Variants in PCDHA2 observed in about 807,000 individuals in gnomAD.
PCDHA2 encodes the protein protocadherin alpha-2.
A neutral mutation model predicts 66.0 loss-of-function variants in PCDHA2; 58 were observed. The observed-to-expected ratio is 0.88, with a 90% CI of 0.71 to 1.09. The LOEUF is 1.09. PCDHA2 is among the 50% of genes least tolerant of loss of function. The probability of loss-of-function intolerance (pLI) is 0.00; values close to 1 mark genes in which losing one functional copy is unlikely to be tolerated. For synonymous variants in PCDHA2, 634 were observed against 554.0 expected (o/e 1.14, Z -2.03); for missense variants, 1,267 against 1,242.3 (o/e 1.02, Z -0.30).
chr5:140,924,668 GC>G (rs2081945881), intron 1 of PCDHA2, among the ~76,000 whole-genome samples: 1 of 152,142 alleles, frequency 6.6e-6, no homozygotes, highest in Admixed American at 6.5e-5. Context: ...GCCGAGGCAG[GC>G]CAATCACTTG....
At chr5:140,845,060 C>A in intron 1 of PCDHA2, among the ~76,000 whole-genome samples, 1 of 149,380 alleles carries the variant, frequency 6.7e-6, no homozygotes, top group Non-Finnish European at 1.5e-5. Flanking sequence ...TGAAGGTAAC[C>A]TCAAAGCAGC....
At chr5:140,877,010 A>T (rs1177640704) in intron 1 of PCDHA2, 2 of 1,612,296 alleles carry the variant, frequency 1.2e-6, no homozygotes, top group African/African-American at 2.7e-5. Context: ...GTGCACGCGG[A>T]GAGCGGCAAG....
chr5:140,967,090 G>A (rs1320117719), intron 1 of PCDHA2: 2 of 1,613,240 alleles, frequency 1.2e-6, no homozygotes, highest in African/African-American at 2.7e-5. Context: ...TTGATCGGGA[G>A]GCGCTGTGTG....
At chr5:140,931,390 G>A (rs1296292494) in intron 1 of PCDHA2, among the ~76,000 whole-genome samples, 1 of 152,038 alleles carries the variant, frequency 6.6e-6, no homozygotes, top group Non-Finnish European at 1.5e-5. Flanking sequence ...GGAAACATAA[G>A]TAAGCGATAG....
At chr5:140,901,942 T>C (rs1307043698) in intron 1 of PCDHA2, among the ~76,000 whole-genome samples, 4 of 152,128 alleles carry the variant, frequency 2.6e-5, no homozygotes, top group Non-Finnish European at 5.9e-5. Flanking sequence ...TAGGTATATT[T>C]AGTTTTATTC....
At chr5:140,809,115 C>A (rs17844284) in intron 1 of PCDHA2, 1 of 1,613,980 alleles carries the variant, frequency 6.2e-7, no homozygotes, top group Admixed American at 1.7e-5. Context: ...ACGGACGCTC[C>A]GCGCCACCGC....
intron 1 of PCDHA2, chr5:140,884,494 C>A: frequency 6.2e-7 from 1 of 1,614,068 alleles, no homozygotes; most frequent in Non-Finnish European, 8.5e-7. Context: ...TAGTGTGCTC[C>A]AGCGCGGCAG....
chr5:140,853,897 G>T lies in PCDHA2; in HGVS notation c.2388+56545G>T, dbSNP rs1222195078. Reference sequence around the variant, plus strand: ...AGTTTCTGTAATTTAAAAAGATGTGGTGGCCTGACACCTGCAATCCCAACA... The same window carrying T: ...AGTTTCTGTAATTTAAAAAGATGTGTTGGCCTGACACCTGCAATCCCAACA... On this transcript the variant is annotated intron_variant, in intron 1 of 3. Coordinates refer to ENST00000526136, the MANE Select transcript of PCDHA2 (RefSeq NM_018905.3). 24 of 967,496 alleles carry T rather than the reference G, an allele frequency of 2.5e-5. 1 individual carries two copies. In the African/African-American group the frequency reaches 4.3e-4, roughly 17 times the overall value. The allele number at this position is 967,496 out of a possible 1,614,324, so 59.9% of individuals were successfully genotyped here.
chr5:141,000,367 C>G (rs1158701279), intron 3 of PCDHA2, among the ~76,000 whole-genome samples: 1 of 18,506 alleles, frequency 5.4e-5, no homozygotes, highest in Admixed American at 6.5e-4. Flanking sequence ...CTCTGTCTCT[C>G]TCTCTCTCTC....
At chr5:140,807,515 G>T in intron 1 of PCDHA2, 2 of 1,613,912 alleles carry the variant, frequency 1.2e-6, no homozygotes, top group Non-Finnish European at 1.7e-6. Context: ...GGAGGTGATC[G>T]TAGACAGGCC....
rs1762148334 is a variant in PCDHA2 at position 140,796,852 on chromosome 5, G to A, written c.1888G>A (p.Glu630Lys). ...IPFRVGLYTG[E>K]ISTTRALDEA... ...GTTCCGCGTGGGGCTATACACGGGTGAGATCAGCACGACACGTGCCCTAGA... is the reference window on the plus strand; with the variant it reads ...GTTCCGCGTGGGGCTATACACGGGTAAGATCAGCACGACACGTGCCCTAGA... Residue 630 changes from glutamate to lysine, a missense_variant, in exon 1 of 4, where the codon GAG becomes AAG. By Grantham distance (56) the Glu-to-Lys change is moderately conservative (BLOSUM62 1). Transcript: ENST00000526136. The A allele has an allele frequency of 6.2e-7, 1 of 1,613,978 alleles. No homozygotes were observed. Among genetic ancestry groups the A allele is most frequent in the Admixed American group, 1.7e-5 (1 of 60,010 alleles).
At chr5:140,861,707 G>T (rs1181948705) in intron 1 of PCDHA2, 1 of 218,782 alleles carries the variant, frequency 4.6e-6, no homozygotes, top group African/African-American at 2.3e-5. Context: ...TGATGCCGAC[G>T]TCGGGGCCAA....
At chr5:140,964,609 T>A (rs2095843840) in intron 1 of PCDHA2, among the ~76,000 whole-genome samples, 1 of 152,062 alleles carries the variant, frequency 6.6e-6, no homozygotes, top group Non-Finnish European at 1.5e-5. Context: ...AACTTACAAC[T>A]TGATTCCACT....
chr5:140,799,178 C>A (rs558650162), intron 1 of PCDHA2, among the ~76,000 whole-genome samples: 1 of 152,208 alleles, frequency 6.6e-6, no homozygotes, highest in Admixed American at 6.5e-5. Context: ...TTCACTGATA[C>A]TTTATCTACA....
chr5:140,972,829 A>G (rs1554234573), intron 1 of PCDHA2, among the ~76,000 whole-genome samples: 1 of 151,808 alleles, frequency 6.6e-6, no homozygotes, highest in Non-Finnish European at 1.5e-5. Flanking sequence ...ACGCCTGGCT[A>G]ATTTTTGTAT....
intron 1 of PCDHA2, among the ~76,000 whole-genome samples, chr5:140,820,804 T>A (rs1374149059): frequency 6.6e-6 from 1 of 152,102 alleles, no homozygotes; most frequent in Non-Finnish European, 1.5e-5. Flanking sequence ...GTATGTATTT[T>A]ACAATTTTTA....
At chr5:140,818,283 C>T (rs1766323744) in intron 1 of PCDHA2, among the ~76,000 whole-genome samples, 1 of 152,044 alleles carries the variant, frequency 6.6e-6, no homozygotes, top group Non-Finnish European at 1.5e-5. Context: ...TTTCATAATC[C>T]ATGTTTTATT....
chr5:140,983,146 G>T (rs894953025), intron 3 of PCDHA2, among the ~76,000 whole-genome samples: 3 of 152,140 alleles, frequency 2.0e-5, no homozygotes, highest in Non-Finnish European at 4.4e-5. Flanking sequence ...TAGTGCCTTG[G>T]CATGCATGTT....
At chr5:140,850,645 T>G in intron 1 of PCDHA2, 1 of 1,598,542 alleles carries the variant, frequency 6.3e-7, no homozygotes. Flanking sequence ...ACGCTGCTGC[T>G]GTACACTGTG....
Sources: allele counts gnomAD v4.1 joint callset (sites outside exome capture counted in the v4.1 genomes callset), GRCh38; gene constraint gnomAD v4.1.1; transcripts MANE v1.5; gene names NCBI Gene and HGNC (gene_info 2026-07-23, HGNC 2026-07-21).